The following ARHGAP42 variants were observed in gnomAD, a reference collection of about 807,000 sequenced individuals.
ARHGAP42 encodes rho GTPase-activating protein 42.
Under a neutral mutation model 125.0 loss-of-function variants are expected in ARHGAP42, and 63 were observed. The observed-to-expected ratio is 0.50, with a 90% CI of 0.41 to 0.62. The LOEUF (loss-of-function observed/expected upper bound fraction) is 0.62, where lower values mean the gene tolerates loss of function less well. Ranked by LOEUF, ARHGAP42 falls within the 20% of genes least tolerant of loss-of-function variation. The pLI is 0.00. For synonymous variants in ARHGAP42, 339 were observed against 351.0 expected, an observed-to-expected ratio of 0.97 and a Z score of 0.38; for missense variants, 766 against 1,024.2, an observed-to-expected ratio of 0.75 and a Z score of 3.44.
Position 100,959,907 on chromosome 11 carries a change from A to G in ARHGAP42, c.1187A>G (p.Asn396Ser). The stretch of plus-strand genomic sequence containing the variant: ...GTGTATTTGAATGAAGCAGGGTTCA[A>G]CTTTGTGAGAAAATGCATTCAAGCT... ...EEMYLNEAGF[N>S]FVRKCIQAVE... The change falls in exon 13 of 24, where the codon AAC becomes AGC. Residue 396 changes from asparagine to serine, a missense_variant. By Grantham distance (46) the Asn-to-Ser change is conservative. Around this residue, in one of 3 missense-constraint regions of ARHGAP42, gnomAD observed 455 missense variants for 636.5 expected, o/e 0.71. Transcript: ENST00000298815. The G allele has an allele frequency of 5.2e-6, 8 of 1,551,492 alleles. No homozygotes were observed. Among genetic ancestry groups the G allele is most frequent in the African/African-American group, 1.4e-5 (1 of 73,158 alleles).
intron 4 of ARHGAP42, among the ~76,000 whole-genome samples, chr11:100,893,670 C>G (rs986072635): frequency 6.6e-6 from 1 of 151,790 alleles, no homozygotes; most frequent in African/African-American, 2.4e-5. Flanking sequence ...ATGTATCAAT[C>G]GGTGTATTAA....
chr11:100,992,373 A>C lies in ARHGAP42; in HGVS notation c.*3572A>C, dbSNP rs1858856834. The C allele has an allele frequency of 1.9e-6, 3 of 1,613,988 alleles. No homozygotes were observed. Among genetic ancestry groups the C allele is most frequent in the Non-Finnish European group, 2.5e-6 (3 of 1,179,908 alleles). ...TCCTGGTCAGGTCACGAAAAAGAAC[A>C]CAGGCTTGACTATTGTCCAGAAGTT... On this transcript the variant is annotated 3_prime_UTR_variant, in exon 24 of 24. Transcript: ENST00000298815.
chr11:100,831,094 A>C (rs1220924049), intron 3 of ARHGAP42, among the ~76,000 whole-genome samples: 2 of 152,128 alleles, frequency 1.3e-5, no homozygotes, highest in Non-Finnish European at 2.9e-5. Context: ...GCTGTGCTGG[A>C]ATCCTGTTTC....
intron 5 of ARHGAP42, among the ~76,000 whole-genome samples, chr11:100,914,084 G>A (rs1434300966): frequency 1.3e-5 from 2 of 152,002 alleles, no homozygotes; most frequent in Admixed American, 1.3e-4. Context: ...ACAGGCATGT[G>A]CCACCAAGCC....
chr11:100,958,877 A>AT (rs1308083344), intron 12 of ARHGAP42, among the ~76,000 whole-genome samples: 3 of 151,352 alleles, frequency 2.0e-5, no homozygotes, highest in Admixed American at 2.0e-4. Flanking sequence ...TGTGCCTAGA[A>AT]TTTTTTTCAG....
At position 100,731,510 on chromosome 11, in the gene ARHGAP42, A is replaced by G. The variant is rs189694565; in HGVS notation, c.155-38833A>G. On this transcript the variant is annotated intron_variant, in intron 1 of 23. Coordinates refer to ENST00000298815, the MANE Select transcript of ARHGAP42 (RefSeq NM_152432.4). ...GTAAATAACTTCATCCTAATGTTCT[A>G]AAGAACTGTGGGCAGATCTTTTCAT... 3.8e-3 allele frequency among the ~76,000 whole-genome samples: 572 copies of G among 152,264 alleles called. 2 individuals carry two copies. Among genetic ancestry groups the G allele is most frequent in the South Asian group, 0.011 (54 of 4,820 alleles).
intron 1 of ARHGAP42, among the ~76,000 whole-genome samples, chr11:100,705,017 A>AAC (rs1861460179): frequency 7.9e-6 from 1 of 127,386 alleles, no homozygotes; most frequent in African/African-American, 3.1e-5. Context: ...CAACAACAAA[A>AAC]AAAAAAAAAA....
At chr11:100,812,379 A>G (rs960249719) in intron 3 of ARHGAP42, among the ~76,000 whole-genome samples, 3 of 152,242 alleles carry the variant, frequency 2.0e-5, no homozygotes, top group Non-Finnish European at 2.9e-5. Context: ...TCTGGGCTGG[A>G]TATTGCTCCA....
Position 100,992,180 on chromosome 11 carries a change from A to T in ARHGAP42, c.*3379A>T. Reference sequence around the variant, plus strand: ...TAGTGATACCTTAAATCATGTATTCAGGATGCCTTCTTTAGCATTTAGAAC... The same window carrying T: ...TAGTGATACCTTAAATCATGTATTCTGGATGCCTTCTTTAGCATTTAGAAC... On this transcript the variant is annotated 3_prime_UTR_variant, in exon 24 of 24. Transcript: ENST00000298815. 1 of 990,146 alleles carries T rather than the reference A, an allele frequency of 1.0e-6. No homozygotes were observed. Among genetic ancestry groups the T allele is most frequent in the Non-Finnish European group, 1.5e-6 (1 of 684,712 alleles). 61.3% of individuals were successfully genotyped at this position (990,146 alleles called of 1,614,324 possible).
At chr11:100,896,184 A>G (rs989344793) in intron 4 of ARHGAP42, among the ~76,000 whole-genome samples, 6 of 152,076 alleles carry the variant, frequency 3.9e-5, no homozygotes, top group African/African-American at 7.2e-5. Flanking sequence ...ATCCTTTTTT[A>G]TGGCTGCATA....
intron 4 of ARHGAP42, among the ~76,000 whole-genome samples, chr11:100,892,981 G>A (rs184745897): frequency 2.0e-5 from 3 of 152,264 alleles, no homozygotes; most frequent in South Asian, 2.1e-4. Context: ...GACACACTTC[G>A]ATTTTATAAC....
chr11:100,914,470 TAAATAAAC>T (rs150468852), intron 5 of ARHGAP42, among the ~76,000 whole-genome samples: 7,955 of 151,776 alleles, frequency 0.052, 392 homozygotes, highest in East Asian at 0.25. Context: ...AAAAAATAAA[TAAATAAAC>T]AAACAGACTC....
intron 13 of ARHGAP42, 119 bp from the exon 14 acceptor site, chr11:100,960,796 G>T: frequency 1.9e-6 from 1 of 533,302 alleles, no homozygotes; most frequent in South Asian, 4.0e-5. Flanking sequence ...GCTAAAGTTA[G>T]ACTGTGAAAT....
intron 3 of ARHGAP42, among the ~76,000 whole-genome samples, chr11:100,835,790 T>G (rs1312734105): frequency 6.6e-6 from 1 of 152,062 alleles, no homozygotes; most frequent in Non-Finnish European, 1.5e-5. Flanking sequence ...GGATCCCCCC[T>G]TATACAATTG....
intron 22 of ARHGAP42, among the ~76,000 whole-genome samples, chr11:100,984,091 T>C (rs1858611892): frequency 6.7e-6 from 1 of 149,334 alleles, no homozygotes; most frequent in Non-Finnish European, 1.5e-5. Context: ...CATTCCAGCC[T>C]GAGCAACCCA....
At chr11:100,700,327 A>T (rs1357675083) in intron 1 of ARHGAP42, among the ~76,000 whole-genome samples, 1 of 152,198 alleles carries the variant, frequency 6.6e-6, no homozygotes, top group Non-Finnish European at 1.5e-5. Flanking sequence ...CTACTGACTG[A>T]TCAGGGTGGT....
intron 4 of ARHGAP42, chr11:100,859,856 A>C (rs1323254277): frequency 6.1e-6 from 2 of 327,884 alleles, no homozygotes; most frequent in African/African-American, 2.1e-5. Context: ...TTCCTTTCCC[A>C]AAAATTATAG....
intron 1 of ARHGAP42, among the ~76,000 whole-genome samples, chr11:100,741,708 G>A (rs537735454): frequency 6.6e-6 from 1 of 152,334 alleles, no homozygotes; most frequent in Non-Finnish European, 1.5e-5. Flanking sequence ...ATTTCTCTGT[G>A]TGGGAGACTT....
At chr11:100,931,693 G>A (rs891672980) in intron 6 of ARHGAP42, among the ~76,000 whole-genome samples, 17 of 152,068 alleles carry the variant, frequency 1.1e-4, no homozygotes, top group Non-Finnish European at 2.1e-4. Flanking sequence ...TGGATGTTCA[G>A]AAGACTACTG....
Sources: allele counts gnomAD v4.1 joint callset (sites outside exome capture counted in the v4.1 genomes callset), GRCh38; gene constraint gnomAD v4.1.1; regional missense constraint gnomAD v4.1.1; transcripts MANE v1.5; gene names NCBI Gene and HGNC (gene_info 2026-07-23, HGNC 2026-07-21).